The following NOL4L variants were observed in gnomAD, a reference collection of about 807,000 sequenced individuals.
The protein encoded by NOL4L is nucleolar protein 4-like.
A neutral mutation model predicts 64.5 loss-of-function variants in NOL4L; 7 were observed. That is an observed-to-expected ratio of 0.11 (90% confidence interval 0.06 to 0.20). NOL4L has a LOEUF of 0.20. Among genes scored for constraint, NOL4L ranks in the 10% least tolerant of loss-of-function variants. The pLI is 1.00. For synonymous variants in NOL4L, 413 were observed against 401.0 expected (o/e 1.03, Z -0.36); for missense variants, 680 against 967.1 (o/e 0.70, Z 3.94).
chr20:32,536,240 AG>A (rs960856026), intron 1 of NOL4L: 94 of 985,172 alleles, frequency 9.5e-5, no homozygotes, highest in Non-Finnish European at 1.1e-4. Flanking sequence ...GAGTCACCGA[AG>A]GGGGGGTCCT....
chr20:32,550,371 C>T (rs963820423), intron 1 of NOL4L, among the ~76,000 whole-genome samples: 4 of 152,196 alleles, frequency 2.6e-5, no homozygotes, highest in East Asian at 1.9e-4. Flanking sequence ...CTCGGCCTCC[C>T]GAGTAGCTGG....
chr20:32,556,282 G>C (rs961704478), intron 1 of NOL4L, among the ~76,000 whole-genome samples: 9 of 152,192 alleles, frequency 5.9e-5, no homozygotes, highest in South Asian at 2.1e-4. Flanking sequence ...TGTGGGGGGG[G>C]GGGGTTTCCC....
At position 32,453,680 on chromosome 20, in the gene NOL4L, C is replaced by T; in HGVS notation, c.1201G>A (p.Ala401Thr). 1 of 1,571,902 alleles carries T rather than the reference C, an allele frequency of 6.4e-7. No homozygotes were observed. Among genetic ancestry groups the T allele is most frequent in the Non-Finnish European group, 8.6e-7 (1 of 1,158,580 alleles). Residue 401 changes from alanine to threonine, a missense_variant, in exon 7 of 11, where the codon GCC becomes ACC. By Grantham distance (58) the Ala-to-Thr change is moderately conservative (BLOSUM62 0). Around this residue, in one of 4 missense-constraint regions of NOL4L, gnomAD observed 254 missense variants for 238.7 expected, o/e 1.06. Coordinates refer to ENST00000621426, the MANE Select transcript of NOL4L (RefSeq NM_001256798.2). The surrounding 1 kb of genome is among the most constrained non-coding windows in gnomAD (Gnocchi z 5.6). ...GCPEDLTVGR[A>T]PTADDDDDDH... The stretch of plus-strand genomic sequence containing the variant: ...TCGTCGTCATCATCTGCCGTCGGGG[C>T]CCGGCCCACTGTCAGGTCCTCAGGG...
At chr20:32,543,103 C>T (rs903546926) in intron 1 of NOL4L, among the ~76,000 whole-genome samples, 6 of 152,154 alleles carry the variant, frequency 3.9e-5, no homozygotes, top group Non-Finnish European at 8.8e-5. Context: ...CGCGGGAAGC[C>T]ACCACGGAGC....
intron 5 of NOL4L, among the ~76,000 whole-genome samples, chr20:32,461,243 C>T (rs2145447816): frequency 6.6e-6 from 1 of 152,296 alleles, no homozygotes; most frequent in East Asian, 1.9e-4. Context: ...TATGGCTCAC[C>T]CACCCGCCCC....
chr20:32,485,692 C>G, intron 4 of NOL4L: 1 of 464,488 alleles, frequency 2.2e-6, no homozygotes, highest in South Asian at 1.6e-5. Flanking sequence ...ATTTTTAGAA[C>G]GAACTAGTGG....
chr20:32,573,997 T>G (rs1211279061), intron 1 of NOL4L: 1 of 152,350 alleles, frequency 6.6e-6, no homozygotes, highest in Non-Finnish European at 1.5e-5. Flanking sequence ...CAGCAGCCCC[T>G]ATGCTGTGGC....
intron 4 of NOL4L, among the ~76,000 whole-genome samples, chr20:32,488,827 T>TTCTTTCTC (rs11483298): frequency 3.0e-5 from 1 of 33,136 alleles, no homozygotes; most frequent in Non-Finnish European, 5.3e-5. Flanking sequence ...CTTTCTTTCT[T>TTCTTTCTC]TTTCTTTCTT....
At chr20:32,481,621 TCG>T (rs2015718795) in intron 4 of NOL4L, among the ~76,000 whole-genome samples, 1 of 152,158 alleles carries the variant, frequency 6.6e-6, no homozygotes, top group Non-Finnish European at 1.5e-5. Flanking sequence ...TAGGGTGGTG[TCG>T]CCCAGCTCAA....
intron 4 of NOL4L, among the ~76,000 whole-genome samples, chr20:32,509,537 A>G (rs1042151850): frequency 8.5e-6 from 1 of 117,906 alleles, no homozygotes; most frequent in South Asian, 2.5e-4. Context: ...AAAAAAAAAA[A>G]AAAGAAAAGA....
chr20:32,451,550 T>C (rs1360027838), intron 10 of NOL4L: 1 of 152,334 alleles, frequency 6.6e-6, no homozygotes, highest in Non-Finnish European at 1.5e-5. Context: ...TCTAATGGTC[T>C]GTGCCCCATC....
At chr20:32,567,036 TC>T (rs1326456787) in intron 1 of NOL4L, among the ~76,000 whole-genome samples, 2 of 152,198 alleles carry the variant, frequency 1.3e-5, no homozygotes, top group Non-Finnish European at 2.9e-5. Flanking sequence ...AGCATTTGTG[TC>T]CTGGCCTTCT....
intron 3 of NOL4L, among the ~76,000 whole-genome samples, chr20:32,518,636 G>A (rs1442755198): frequency 1.3e-5 from 2 of 152,240 alleles, no homozygotes; most frequent in African/African-American, 4.8e-5. Flanking sequence ...TGTTCCTCCA[G>A]GCAAGCAATT....
chr20:32,473,433 G>T (rs1358858728), intron 5 of NOL4L, among the ~76,000 whole-genome samples: 4 of 152,202 alleles, frequency 2.6e-5, no homozygotes. Flanking sequence ...GCACGAGGGG[G>T]TCGCACCGAC....
At chr20:32,549,867 C>A (rs565763969) in intron 1 of NOL4L, among the ~76,000 whole-genome samples, 1 of 152,292 alleles carries the variant, frequency 6.6e-6, no homozygotes, top group South Asian at 2.1e-4. Context: ...ACAGGTAGTT[C>A]CTCAAAAGGT....
intron 4 of NOL4L, among the ~76,000 whole-genome samples, chr20:32,493,498 AGG>A (rs1408984409): frequency 2.0e-5 from 3 of 152,118 alleles, no homozygotes; most frequent in Non-Finnish European, 4.4e-5. Context: ...GTGTGACCTC[AGG>A]CAGGTGACTT....
chr20:32,477,488 C>T (rs2015466899), intron 4 of NOL4L, among the ~76,000 whole-genome samples: 2 of 152,238 alleles, frequency 1.3e-5, no homozygotes, highest in African/African-American at 4.8e-5. Context: ...CCTGTCTTTC[C>T]CTGGAAAACC....
Position 32,584,708 on chromosome 20 carries a change from C to G in NOL4L, c.183G>C (p.Gly61=), listed in dbSNP as rs764943530. 6.5e-7 allele frequency: 1 copy of G among 1,548,416 alleles called. No individual in the cohort carries two copies. The highest frequency in any genetic ancestry group is 8.7e-7 in the Non-Finnish European group (1 of 1,145,870). ...RIAEVLQGGG[G]TGAGSGPAAG... ...CTGCGGGGCCGCTGCCCGCGCCAGT[C>G]CCGCCGCCGCCCTGCAGGACCTCGG... Residue 61 remains glycine, a synonymous_variant, in exon 1 of 11, where the codon GGG becomes GGC. Transcript: ENST00000621426.
intron 1 of NOL4L, among the ~76,000 whole-genome samples, chr20:32,574,994 C>A (rs958559076): frequency 6.6e-5 from 10 of 152,178 alleles, no homozygotes; most frequent in African/African-American, 2.4e-4. Flanking sequence ...TAGCCCCAGC[C>A]ACTCAACCGC....
Sources: allele counts gnomAD v4.1 joint callset (sites outside exome capture counted in the v4.1 genomes callset), GRCh38; gene constraint gnomAD v4.1.1; regional missense constraint gnomAD v4.1.1; non-coding constraint Gnocchi (gnomAD v3.1); transcripts MANE v1.5; gene names NCBI Gene and HGNC (gene_info 2026-07-23, HGNC 2026-07-21).